The following TMEM135 variants were observed in gnomAD, a reference collection of about 807,000 sequenced individuals.
TMEM135 encodes the protein transmembrane protein 135.
TMEM135 carries 30 observed loss-of-function variants against 60.3 expected under a neutral mutation model. The observed-to-expected ratio is 0.50, with a 90% CI of 0.37 to 0.68. The LOEUF (loss-of-function observed/expected upper bound fraction) is 0.68. Ranked by LOEUF, TMEM135 falls within the 30% of genes least tolerant of loss-of-function variation. The pLI is 0.00. For missense variants in TMEM135, 468 were observed against 548.8 expected (o/e 0.85, Z 1.47); for synonymous variants, 190 against 186.7 (o/e 1.02, Z -0.14).
chr11:87,163,642 A>G (rs1037283919), intron 5 of TMEM135, among the ~76,000 whole-genome samples: 2,337 of 151,944 alleles, frequency 0.015, 60 homozygotes, highest in African/African-American at 0.054. Context: ...GAACTAATTT[A>G]CAGTCCCACC....
intron 5 of TMEM135, among the ~76,000 whole-genome samples, chr11:87,185,574 A>G (rs768988687): frequency 8.5e-5 from 13 of 152,260 alleles, no homozygotes; most frequent in South Asian, 4.1e-4. Context: ...AGAGACACAT[A>G]ATATCTGGTT....
At chr11:87,170,826 C>T (rs776478219) in intron 5 of TMEM135, among the ~76,000 whole-genome samples, 9 of 152,188 alleles carry the variant, frequency 5.9e-5, no homozygotes, top group South Asian at 2.1e-4. Context: ...CTGTGCTGGG[C>T]GATCCACTGC....
chr11:87,061,519 A>C (rs1055482272), intron 1 of TMEM135, among the ~76,000 whole-genome samples: 1 of 152,198 alleles, frequency 6.6e-6, no homozygotes, highest in African/African-American at 2.4e-5. Context: ...CTTATTTGCA[A>C]ACTATTTAAT....
chr11:87,202,007 T>TATGTA (rs549961509), intron 5 of TMEM135, among the ~76,000 whole-genome samples: 12 of 63,594 alleles, frequency 1.9e-4, no homozygotes, highest in South Asian at 4.8e-4. Context: ...TATGTTATGT[T>TATGTA]ATGTAATGTT....
intron 5 of TMEM135, among the ~76,000 whole-genome samples, chr11:87,173,624 T>A (rs961179067): frequency 6.6e-6 from 1 of 152,198 alleles, no homozygotes; most frequent in Non-Finnish European, 1.5e-5. Context: ...AATAAGCCTA[T>A]TAGAATTAGC....
intron 3 of TMEM135, among the ~76,000 whole-genome samples, chr11:87,075,718 A>C (rs143423483): frequency 2.4e-4 from 36 of 152,292 alleles, no homozygotes; most frequent in African/African-American, 7.5e-4. Flanking sequence ...TTCTTCATGG[A>C]ATTGGTGAAT....
intron 5 of TMEM135, among the ~76,000 whole-genome samples, chr11:87,221,945 C>A (rs1940627186): frequency 6.6e-6 from 1 of 152,054 alleles, no homozygotes; most frequent in Non-Finnish European, 1.5e-5. Flanking sequence ...CACCTGTAAT[C>A]CCAGAACTTT....
At chr11:87,162,079 A>G (rs116462327) in intron 5 of TMEM135, among the ~76,000 whole-genome samples, 69 of 152,322 alleles carry the variant, frequency 4.5e-4, no homozygotes, top group African/African-American at 1.6e-3. Flanking sequence ...CTAAACTTCA[A>G]AAGAATAAGC....
chr11:87,236,225 G>T (rs78039008), intron 5 of TMEM135, among the ~76,000 whole-genome samples: 26,531 of 151,600 alleles, frequency 0.18, 3,172 homozygotes, highest in African/African-American at 0.34. Context: ...TTACATATAA[G>T]TATTGCAATT....
chr11:87,219,977 CAAT>C (rs1940582814), intron 5 of TMEM135, among the ~76,000 whole-genome samples: 1 of 152,092 alleles, frequency 6.6e-6, no homozygotes, highest in African/African-American at 2.4e-5. Flanking sequence ...AGATAGGTCT[CAAT>C]AAAAAAGCAT....
chr11:87,256,807 C>A (rs1248353309), intron 6 of TMEM135, among the ~76,000 whole-genome samples: 4 of 151,984 alleles, frequency 2.6e-5, no homozygotes, highest in African/African-American at 7.3e-5. Flanking sequence ...GTTGGCTATG[C>A]CTCTATCTGT....
intron 6 of TMEM135, among the ~76,000 whole-genome samples, chr11:87,256,478 A>G: frequency 6.6e-6 from 1 of 152,334 alleles, no homozygotes; most frequent in Non-Finnish European, 1.5e-5. Flanking sequence ...TGTAATATGT[A>G]GTATGATTCC....
intron 5 of TMEM135, among the ~76,000 whole-genome samples, chr11:87,182,733 C>T (rs1254379838): frequency 2.0e-5 from 3 of 151,974 alleles, no homozygotes; most frequent in Non-Finnish European, 4.4e-5. Context: ...GTTTTCTAGA[C>T]ACAGGTGAAT....
intron 4 of TMEM135, among the ~76,000 whole-genome samples, chr11:87,143,272 T>C (rs1399769834): frequency 6.6e-6 from 1 of 152,100 alleles, no homozygotes; most frequent in Non-Finnish European, 1.5e-5. Context: ...TTTGAGCATA[T>C]TTATAAAAGC....
intron 4 of TMEM135, among the ~76,000 whole-genome samples, chr11:87,134,852 A>T (rs4315108): frequency 0.13 from 19,538 of 152,142 alleles, 1,331 homozygotes; most frequent in Middle Eastern, 0.15. Flanking sequence ...TTTTACATTC[A>T]TGCTGGCATT....
At chr11:87,122,182 C>A (rs1937609125) in intron 4 of TMEM135, among the ~76,000 whole-genome samples, 1 of 151,978 alleles carries the variant, frequency 6.6e-6, no homozygotes, top group Admixed American at 6.6e-5. Context: ...CATATTAAAG[C>A]AAATTAATAG....
rs1179283593 is a variant in TMEM135, at chr11:87,326,416, T to C, written c.*5083T>C. 1 of 453,994 alleles carries C rather than the reference T, an allele frequency of 2.2e-6. No homozygotes were observed. The highest frequency in any genetic ancestry group is 4.4e-6 in the Non-Finnish European group (1 of 226,804). 28.1% of individuals were successfully genotyped at this position (453,994 alleles called of 1,614,324 possible). A position where few individuals can be genotyped will look rare whatever the true frequency, so the allele number is the denominator to read the frequency against. ...GTTCTTCAGTGTCTATTAAACTTTT[T>C]CCAGTAGTTAATCGATCTCTTAAAT... On this transcript the variant is annotated 3_prime_UTR_variant, in exon 15 of 15. Coordinates refer to ENST00000305494, the MANE Select transcript of TMEM135 (RefSeq NM_022918.4).
intron 4 of TMEM135, among the ~76,000 whole-genome samples, chr11:87,114,558 A>G (rs559040080): frequency 1.3e-5 from 2 of 152,334 alleles, no homozygotes; most frequent in East Asian, 1.9e-4. Flanking sequence ...CTTGTAGAGC[A>G]GTACAGTTTT....
chr11:87,171,060 C>T (rs867330787), intron 5 of TMEM135, among the ~76,000 whole-genome samples: 1 of 152,072 alleles, frequency 6.6e-6, no homozygotes, highest in Non-Finnish European at 1.5e-5. Context: ...GGAGAAGAGG[C>T]CAAAAGGCTT....
Sources: allele counts gnomAD v4.1 joint callset (sites outside exome capture counted in the v4.1 genomes callset), GRCh38; gene constraint gnomAD v4.1.1; transcripts MANE v1.5; gene names NCBI Gene and HGNC (gene_info 2026-07-23, HGNC 2026-07-21).